The following EXPH5 variants were observed in gnomAD, a reference collection of about 807,000 sequenced individuals.
The protein encoded by EXPH5 is exophilin-5.
Under a neutral mutation model 41.1 loss-of-function variants are expected in EXPH5, and 42 were observed. That is an observed-to-expected ratio of 1.02 (90% CI 0.80 to 1.32). EXPH5 has a LOEUF of 1.32. EXPH5 is among the 40% of genes most tolerant of loss of function. The pLI, the probability that EXPH5 is intolerant of heterozygous loss-of-function variation, is 0.00. For missense variants in EXPH5, 2,298 were observed against 2,314.5 expected, an observed-to-expected ratio of 0.99 and a Z score of 0.15; for synonymous variants, 798 against 833.5, an observed-to-expected ratio of 0.96 and a Z score of 0.73.
intron 1 of EXPH5, among the ~76,000 whole-genome samples, chr11:108,585,876 A>G (rs1363165327): frequency 6.6e-6 from 1 of 152,244 alleles, no homozygotes; most frequent in African/African-American, 2.4e-5. Context: ...GAACTGTAGT[A>G]ATCCATATAA....
chr11:108,564,134 A>T (rs2094024552), intron 1 of EXPH5, among the ~76,000 whole-genome samples: 1 of 151,918 alleles, frequency 6.6e-6, no homozygotes, highest in Non-Finnish European at 1.5e-5. Context: ...ACAAAAAAAA[A>T]TAAATTAGCT....
intron 1 of EXPH5, among the ~76,000 whole-genome samples, chr11:108,591,804 A>G (rs533477614): frequency 6.6e-6 from 1 of 152,210 alleles, no homozygotes; most frequent in East Asian, 1.9e-4. Flanking sequence ...AATAGAGAAA[A>G]CACAATAAGG....
Position 108,509,584 on chromosome 11 carries a change from C to T in EXPH5, c.5923G>A (p.Asp1975Asn). The change falls in exon 6 of 6, where the codon GAT becomes AAT. Residue 1975 changes from aspartate (D) to asparagine (N), a missense_variant. Asp to Asn is a conservative substitution (Grantham distance 23, BLOSUM62 1). Coordinates refer to ENST00000265843, the MANE Select transcript of EXPH5 (RefSeq NM_015065.3). The part of the protein sequence containing the change: ...DSDCDTDTTT[D>N]DEYYLDENDK... Reference sequence around the variant, plus strand: ...TTTTCATCCAGGTAGTATTCATCATCTGTGGTTGTGTCTGTGTCACAATCT... The same window carrying T: ...TTTTCATCCAGGTAGTATTCATCATTTGTGGTTGTGTCTGTGTCACAATCT... The T allele has an allele frequency of 6.3e-7, 1 of 1,591,888 alleles. No individual in the cohort carries two copies.
chr11:108,512,850 T>C lies in EXPH5; in HGVS notation c.2657A>G (p.Asp886Gly), dbSNP rs769848603. 6.2e-7 allele frequency: 1 copy of C among 1,614,206 alleles called. No homozygotes were observed. Among genetic ancestry groups the C allele is most frequent in the Admixed American group, 1.7e-5 (1 of 60,030 alleles). Residue 886 changes from aspartate to glycine, a missense_variant, in exon 6 of 6, where the codon GAT becomes GGT. Coordinates refer to ENST00000265843, the MANE Select transcript of EXPH5 (RefSeq NM_015065.3). Reference protein sequence around the residue: ...SLDLSSAALPDSSPSKNSSLD... With the variant: ...SLDLSSAALPGSSPSKNSSLD... ...GGAAGAATTCTTTGATGGTGAGGAA[T>C]CTGGTAGTGCAGCTGATGACAGATC...
intron 1 of EXPH5, among the ~76,000 whole-genome samples, chr11:108,565,430 T>C (rs1296533134): frequency 2.0e-5 from 3 of 152,224 alleles, no homozygotes; most frequent in Non-Finnish European, 4.4e-5. Flanking sequence ...GTGCTGAATG[T>C]TGTCTTCAAC....
chr11:108,544,462 C>T lies in EXPH5; in HGVS notation c.120-2650G>A, dbSNP rs75415557. On this transcript the variant is annotated intron_variant, in intron 1 of 5. Transcript: ENST00000265843. ...AGATTACAAGCGTGAGCCACAATGC[C>T]GAGCCCTGACTCTCTTTTAAAAATA... 5.7e-3 allele frequency among the ~76,000 whole-genome samples: 874 copies of T among 152,272 alleles called. 8 individuals carry two copies. The highest frequency in any genetic ancestry group is 0.018 in the African/African-American group (743 of 41,546).
rs941556741 is a variant in EXPH5, at chr11:108,505,507, C to A, written c.*4030G>T. 1 of 152,058 alleles carries A rather than the reference C, an allele frequency of 6.6e-6. No individual in the cohort carries two copies. Among genetic ancestry groups the A allele is most frequent in the Non-Finnish European group, 1.5e-5 (1 of 68,018 alleles). The allele number at this position is 152,058 out of a possible 1,614,324, so 9.4% of individuals were successfully genotyped here. On this transcript the variant is annotated 3_prime_UTR_variant, in exon 6 of 6. Coordinates refer to ENST00000265843, the MANE Select transcript of EXPH5 (RefSeq NM_015065.3). ...CCTTGTCTTTAACACATTTCATAAC[C>A]AGAGAACAGGTCTGAGAACAAGTAC...
chr11:108,573,143 A>AGAAG (rs1437646849), intron 1 of EXPH5, among the ~76,000 whole-genome samples: 138 of 98,324 alleles, frequency 1.4e-3, no homozygotes, highest in African/African-American at 6.7e-3. Flanking sequence ...AAAGAAGGAA[A>AGAAG]GAAAGAAAGA....
intron 1 of EXPH5, among the ~76,000 whole-genome samples, chr11:108,563,335 C>A (rs1053299375): frequency 1.2e-4 from 19 of 152,158 alleles, no homozygotes; most frequent in Non-Finnish European, 2.8e-4. Context: ...CAAGCAACCA[C>A]AGTATGACTG....
chr11:108,540,323 AAAAT>A (rs1239024966), intron 2 of EXPH5, among the ~76,000 whole-genome samples: 7 of 152,134 alleles, frequency 4.6e-5, no homozygotes, highest in Non-Finnish European at 8.8e-5. Context: ...ACTCCATCTC[AAAAT>A]AAATAAATAA....
chr11:108,505,910 T>A lies in EXPH5; in HGVS notation c.*3627A>T, dbSNP rs890349301. 3 of 152,204 alleles carry A rather than the reference T, an allele frequency of 2.0e-5. No individual in the cohort carries two copies. Among genetic ancestry groups the A allele is most frequent in the Admixed American group, 2.0e-4 (3 of 15,280 alleles). The allele number at this position is 152,204 out of a possible 1,614,324, so 9.4% of individuals were successfully genotyped here. A position where few individuals can be genotyped will look rare whatever the true frequency, so the allele number is the denominator to read the frequency against. Reference sequence around the variant, plus strand: ...ATTAGCTTATCACCAACCAAACCTTTGTTAGTAGCAGTTGGAATTTTGTTG... The same window carrying A: ...ATTAGCTTATCACCAACCAAACCTTAGTTAGTAGCAGTTGGAATTTTGTTG... On this transcript the variant is annotated 3_prime_UTR_variant, in exon 6 of 6. Transcript: ENST00000265843.
chr11:108,596,454 C>G (rs2094139033), upstream of EXPH5, among the ~76,000 whole-genome samples: 1 of 152,112 alleles, frequency 6.6e-6, no homozygotes, highest in Non-Finnish European at 1.5e-5. Context: ...AGAGAGATGT[C>G]TAAAAGGAGA....
At chr11:108,591,368 G>A (rs1399553586) in intron 1 of EXPH5, among the ~76,000 whole-genome samples, 3 of 152,270 alleles carry the variant, frequency 2.0e-5, no homozygotes, top group African/African-American at 7.2e-5. Flanking sequence ...TAATACATGT[G>A]AGCCTGAAGT....
intron 1 of EXPH5, among the ~76,000 whole-genome samples, chr11:108,550,130 T>A (rs1343738320): frequency 6.6e-6 from 1 of 152,222 alleles, no homozygotes; most frequent in Non-Finnish European, 1.5e-5. Flanking sequence ...GGGCCAGACT[T>A]GCACTTGCTA....
chr11:108,509,846 C>T lies in EXPH5; in HGVS notation c.5661G>A (p.Gly1887=). 1.2e-6 allele frequency: 2 copies of T among 1,613,628 alleles called. No individual in the cohort carries two copies. Among genetic ancestry groups the T allele is most frequent in the South Asian group, 1.1e-5 (1 of 90,920 alleles). Residue 1887 remains glycine, a synonymous_variant, in exon 6 of 6, where the codon GGG becomes GGA. Coordinates refer to ENST00000265843, the MANE Select transcript of EXPH5 (RefSeq NM_015065.3). ...CTAACTGTTGTTCTTTCCCAAAGAT[C>T]CCATAGTCGATAGGTCTGTATATAG... is the stretch of plus-strand genomic sequence containing the variant. The part of the protein sequence containing the change: ...AISIYRPIDY[G]IFGKEQQLAF...
intron 1 of EXPH5, among the ~76,000 whole-genome samples, chr11:108,543,876 T>G (rs1056362399): frequency 1.3e-5 from 2 of 152,228 alleles, no homozygotes; most frequent in African/African-American, 2.4e-5. Context: ...CTCCTGTCTT[T>G]GTTGCTACTT....
At position 108,577,670 on chromosome 11, in the gene EXPH5, G is replaced by A. The variant is rs573430156; in HGVS notation, c.119+15748C>T. On this transcript the variant is annotated intron_variant, in intron 1 of 5. Transcript: ENST00000265843. ...ACTCCTGACCTCAGGTAATCTGCCC[G>A]CCTCGGCCTCCCAAAGTGCTGGGAT... Among the ~76,000 whole-genome samples, 39 of 152,182 alleles carry A rather than the reference G, an allele frequency of 2.6e-4. No individual in the cohort carries two copies. The South Asian group carries it at 4.2e-3, about 16-fold the overall frequency.
At position 108,512,913 on chromosome 11, in the gene EXPH5, TTGCATTTTGAGTATTG is replaced by T. The variant is rs752300435; in HGVS notation, c.2578_2593del (p.Gln860SerfsTer2). 9.9e-6 allele frequency: 16 copies of T among 1,613,546 alleles called. No individual in the cohort carries two copies. The highest frequency in any genetic ancestry group is 2.2e-5 in the East Asian group (1 of 44,890). ...CGAGGTCTTGTGGCCAGGAGTTAAC[TTGCATTTTGAGTATTG>T]TGCATTTTGAGTATCAGTCAGTGCA... On this transcript the variant is annotated frameshift_variant, in exon 6 of 6. Coordinates refer to ENST00000265843, the MANE Select transcript of EXPH5 (RefSeq NM_015065.3). LOFTEE classifies it low-confidence loss of function (END_TRUNC).
chr11:108,509,705 C>G lies in EXPH5; in HGVS notation c.5802G>C (p.Glu1934Asp), dbSNP rs374304109. The G allele has an allele frequency of 1.7e-5, 28 of 1,612,254 alleles. No homozygotes were observed. The highest frequency in any genetic ancestry group is 9.3e-6 in the Non-Finnish European group (11 of 1,179,486). The part of the protein sequence containing the change: ...DDLRNPPNPS[E>D]SLSSNSPSSQ... Reference sequence around the variant, plus strand: ...TACTGGGAGAATTTGAGCTTAATGACTCTGAGGGGTTGGGAGGGTTCCTCA... The same window carrying G: ...TACTGGGAGAATTTGAGCTTAATGAGTCTGAGGGGTTGGGAGGGTTCCTCA... The change falls in exon 6 of 6, where the codon GAG becomes GAC. Residue 1934 changes from glutamate (E) to aspartate (D), a missense_variant. Transcript: ENST00000265843.
Sources: allele counts gnomAD v4.1 joint callset (sites outside exome capture counted in the v4.1 genomes callset), GRCh38; gene constraint gnomAD v4.1.1; transcripts MANE v1.5; gene names NCBI Gene and HGNC (gene_info 2026-07-23, HGNC 2026-07-21).